P2RY14: variants seen among roughly 807,000 people sequenced by gnomAD.
P2RY14 encodes the protein P2Y purinoceptor 14.
In P2RY14, 2 loss-of-function variants were observed where a neutral mutation model predicts 0.9. The ratio of observed to expected loss-of-function variants is 2.16; its 90% CI spans 0.88 to 6.79. The LOEUF (loss-of-function observed/expected upper bound fraction) is 6.79. Ranked by LOEUF, P2RY14 falls within the 30% of genes most tolerant of loss-of-function variation. The pLI is 0.05. For synonymous variants in P2RY14, 158 were observed against 147.2 expected, an observed-to-expected ratio of 1.07 and a Z score of -0.53; for missense variants, 378 against 400.1, an observed-to-expected ratio of 0.94 and a Z score of 0.47.
intron 1 of P2RY14, among the ~76,000 whole-genome samples, chr3:151,239,974 GTTGT>G (rs1197061591): frequency 4.7e-4 from 72 of 151,812 alleles, no homozygotes; most frequent in South Asian, 1.5e-3. Context: ...CATTTTTAAG[GTTGT>G]TTATCTACCC....
intron 1 of P2RY14, among the ~76,000 whole-genome samples, chr3:151,237,283 C>T (rs1733041402): frequency 6.7e-6 from 1 of 149,712 alleles, no homozygotes; most frequent in Non-Finnish European, 1.5e-5. Flanking sequence ...TGTGATCCAC[C>T]TGCCTCAGCC....
At chr3:151,229,473 A>ATTTT (rs59434401) in intron 1 of P2RY14, among the ~76,000 whole-genome samples, 9 of 90,140 alleles carry the variant, frequency 1.0e-4, no homozygotes, top group Non-Finnish European at 1.9e-4. Context: ...TGCCCGGCTA[A>ATTTT]TTTTTTTTTT....
intron 1 of P2RY14, among the ~76,000 whole-genome samples, chr3:151,229,986 T>C (rs1439010819): frequency 1.3e-5 from 2 of 152,032 alleles, no homozygotes; most frequent in Non-Finnish European, 2.9e-5. Flanking sequence ...GTTTTTGTTT[T>C]GGATATGGAG....
At chr3:151,249,432 G>A (rs532803566) in intron 1 of P2RY14, among the ~76,000 whole-genome samples, 79 of 152,250 alleles carry the variant, frequency 5.2e-4, no homozygotes, top group African/African-American at 1.9e-3. Flanking sequence ...CAGTACCAGG[G>A]GAGGAGGCAG....
At chr3:151,231,672 C>T (rs935938229) in intron 1 of P2RY14, among the ~76,000 whole-genome samples, 7 of 152,104 alleles carry the variant, frequency 4.6e-5, no homozygotes, top group African/African-American at 1.2e-4. Flanking sequence ...GAAATAACAC[C>T]GTTAATGAGT....
intron 1 of P2RY14, among the ~76,000 whole-genome samples, chr3:151,241,549 C>A (rs950918864): frequency 2.0e-5 from 3 of 152,002 alleles, no homozygotes; most frequent in Non-Finnish European, 4.4e-5. Context: ...AAATGCTAGT[C>A]TAGTCATTTT....
At chr3:151,220,176 T>G (rs1729068286) in intron 1 of P2RY14, among the ~76,000 whole-genome samples, 1 of 150,134 alleles carries the variant, frequency 6.7e-6, no homozygotes, top group African/African-American at 2.5e-5. Context: ...TTTCTAGACT[T>G]TGCCAAATGT....
intron 2 of P2RY14, among the ~76,000 whole-genome samples, chr3:151,218,188 C>T (rs1175412894): frequency 6.6e-6 from 1 of 152,128 alleles, no homozygotes; most frequent in Non-Finnish European, 1.5e-5. Context: ...AAATAAGAAC[C>T]AAAAGAATCA....
chr3:151,248,347 A>G (rs948786368), intron 1 of P2RY14, among the ~76,000 whole-genome samples: 1 of 152,292 alleles, frequency 6.6e-6, no homozygotes, highest in African/African-American at 2.4e-5. Flanking sequence ...TTTAGAGAAG[A>G]CATCACAGCT....
intron 2 of P2RY14, 128 bp from the exon 3 acceptor site, chr3:151,214,468 G>C (rs758918881): frequency 1.2e-5 from 7 of 602,438 alleles, no homozygotes; most frequent in Non-Finnish European, 2.0e-5. Context: ...TTTTTACTCT[G>C]TGTAAGTTAG....
rs1404885334 is a variant in P2RY14, at chr3:151,213,922, A to G, written c.395T>C (p.Ile132Thr). ...KIVKPLWTSFIQSVSYSKLLS... is the reference protein window; with the variant it reads ...KIVKPLWTSFTQSVSYSKLLS... ...AAGTTTGCTGTAACTCACTGACTGGATGAAAGAAGTCCAAAGAGGCTTTAC... is the reference window on the plus strand; with the variant it reads ...AAGTTTGCTGTAACTCACTGACTGGGTGAAAGAAGTCCAAAGAGGCTTTAC... Residue 132 changes from isoleucine (I) to threonine (T), a missense_variant, in exon 3 of 3, where the codon ATC becomes ACC. Physicochemically the swap from Ile to Thr is moderately conservative, Grantham distance 89 (BLOSUM62 -1). Coordinates refer to ENST00000309170, the MANE Select transcript of P2RY14 (RefSeq NM_014879.4). 5 of 1,614,194 alleles carry G rather than the reference A, an allele frequency of 3.1e-6. No individual in the cohort carries two copies. The highest frequency in any genetic ancestry group is 4.2e-6 in the Non-Finnish European group (5 of 1,180,000).
chr3:151,259,901 C>T (rs548015733), intron 1 of P2RY14, among the ~76,000 whole-genome samples: 3 of 152,304 alleles, frequency 2.0e-5, no homozygotes, highest in Admixed American at 2.0e-4. Context: ...CTGTTCTGTC[C>T]TTTCTGTAAT....
In P2RY14 at chr3:151,244,208, C is replaced by T. The variant is rs573154892; in HGVS notation, c.-132-24566G>A. On this transcript the variant is annotated intron_variant, in intron 1 of 2. Transcript: ENST00000309170. The stretch of plus-strand genomic sequence containing the variant: ...CCACTGTCAACATTAGACAGATCAA[C>T]GAGACAGAAAGTCAACAAGGATACC... 4.5e-4 allele frequency among the ~76,000 whole-genome samples: 61 copies of T among 136,884 alleles called. 1 individual carries two copies. Among genetic ancestry groups the T allele is most frequent in the African/African-American group, 1.5e-3 (56 of 38,444 alleles). The allele number at this position is 136,884 out of a possible 152,430, so 89.8% of individuals were successfully genotyped here.
intron 1 of P2RY14, among the ~76,000 whole-genome samples, chr3:151,276,827 G>A (rs894228163): frequency 3.9e-5 from 6 of 152,032 alleles, no homozygotes; most frequent in Non-Finnish European, 5.9e-5. Context: ...CTCTGCACCC[G>A]GCCCACTTCC....
At chr3:151,275,272 A>G (rs1336877994) in intron 1 of P2RY14, among the ~76,000 whole-genome samples, 1 of 152,164 alleles carries the variant, frequency 6.6e-6, no homozygotes, top group Non-Finnish European at 1.5e-5. Context: ...TCAGAAGCCA[A>G]CTAACTGATC....
chr3:151,253,053 A>C (rs1341833018), intron 1 of P2RY14, among the ~76,000 whole-genome samples: 4 of 152,170 alleles, frequency 2.6e-5, no homozygotes, highest in Non-Finnish European at 4.4e-5. Context: ...CCTTAAACTA[A>C]AGTCCCTGTC....
Position 151,240,049 on chromosome 3 carries a change from T to G in P2RY14, c.-132-20407A>C, listed in dbSNP as rs749815749. Among the ~76,000 whole-genome samples, 1,036 of 151,508 alleles carry G rather than the reference T, an allele frequency of 6.8e-3. 7 individuals carry two copies. Among genetic ancestry groups the G allele is most frequent in the South Asian group, 7.3e-3 (35 of 4,800 alleles). ...TGTCTTTCTCCCACCTTTTTTTTTT[T>G]TGTGTGTGTGTGTATGGCCACCACC... On this transcript the variant is annotated intron_variant, in intron 1 of 2. Transcript: ENST00000309170.
chr3:151,258,851 C>CAA (rs63714361), intron 1 of P2RY14, among the ~76,000 whole-genome samples: 12 of 89,884 alleles, frequency 1.3e-4, no homozygotes, highest in African/African-American at 1.4e-4. Context: ...GATTCTGTCT[C>CAA]AAAAAAAAAA....
At position 151,213,416 on chromosome 3, in the gene P2RY14, G is replaced by T. The variant is rs202190979; in HGVS notation, c.901C>A (p.Pro301Thr). ...DPIIYFFLCQ[P>T]FREILCKKLH... ...TTCTTACATAAGATTTCCCTAAACGGCTGGCATAGAAAGAAATAAATAATA... is the reference window on the plus strand; with the variant it reads ...TTCTTACATAAGATTTCCCTAAACGTCTGGCATAGAAAGAAATAAATAATA... Residue 301 changes from proline to threonine, a missense_variant, in exon 3 of 3, where the codon CCG (proline) becomes ACG (threonine). Transcript: ENST00000309170. 13 of 1,614,032 alleles carry T rather than the reference G, an allele frequency of 8.1e-6. No homozygotes were observed. Among genetic ancestry groups the T allele is most frequent in the African/African-American group, 8.0e-5 (6 of 75,030 alleles).
Sources: allele counts gnomAD v4.1 joint callset (sites outside exome capture counted in the v4.1 genomes callset), GRCh38; gene constraint gnomAD v4.1.1; transcripts MANE v1.5; gene names NCBI Gene and HGNC (gene_info 2026-07-23, HGNC 2026-07-21).